The following B4GALT6 variants were observed in gnomAD, a reference collection of about 807,000 sequenced individuals.
The protein encoded by B4GALT6 is beta-1,4-galactosyltransferase 6.
B4GALT6 carries 14 observed loss-of-function variants against 46.3 expected under a neutral mutation model. The observed-to-expected ratio is 0.30, with a 90% CI of 0.20 to 0.47. B4GALT6 has a LOEUF of 0.47. Among genes scored for constraint, B4GALT6 ranks in the 20% least tolerant of loss-of-function variants. The probability of loss-of-function intolerance (pLI) is 0.99; values close to 1 mark genes in which losing one functional copy is unlikely to be tolerated. For missense variants in B4GALT6, 386 were observed against 480.1 expected (o/e 0.80, Z 1.83); for synonymous variants, 168 against 162.0 (o/e 1.04, Z -0.28).
intron 5 of B4GALT6, among the ~76,000 whole-genome samples, chr18:31,636,682 C>T (rs1184252278): frequency 6.6e-6 from 1 of 152,164 alleles, no homozygotes; most frequent in Non-Finnish European, 1.5e-5. Flanking sequence ...TATGAGGTGA[C>T]AATACCAAAA....
chr18:31,715,700 G>A, the B4GALT6 span, among the ~76,000 whole-genome samples: 32 of 151,158 alleles, frequency 2.1e-4, no homozygotes, highest in East Asian at 5.7e-3. Flanking sequence ...ACAGGCATGT[G>A]ACACCACACC....
intron 5 of B4GALT6, among the ~76,000 whole-genome samples, chr18:31,635,032 G>A (rs2073840684): frequency 6.6e-6 from 1 of 152,102 alleles, no homozygotes; most frequent in South Asian, 2.1e-4. Context: ...CACAAGGTCA[G>A]GAGATCGAGA....
rs551647799 is a variant in B4GALT6 at position 31,663,296 on chromosome 18, C to T, written c.232+2960G>A. ...CCACTAACTTGTCTTGTCAGTCTGG[C>T]AGTGTCTGGGGGCCTCAATTCATGT... On this transcript the variant is annotated intron_variant, in intron 2 of 8. Transcript: ENST00000306851. 8.5e-5 allele frequency among the ~76,000 whole-genome samples: 13 copies of T among 152,324 alleles called. No individual in the cohort carries two copies. The South Asian group carries it at 2.3e-3, about 27-fold the overall frequency.
At chr18:31,715,342 C>T in the B4GALT6 span, among the ~76,000 whole-genome samples, 5 of 152,230 alleles carry the variant, frequency 3.3e-5, no homozygotes, top group South Asian at 1.0e-3. Flanking sequence ...CCTCCTGCCT[C>T]AGCTTTCCAA....
chr18:31,661,019 C>G (rs1427960596), intron 2 of B4GALT6, among the ~76,000 whole-genome samples: 2 of 152,176 alleles, frequency 1.3e-5, no homozygotes, highest in Non-Finnish European at 2.9e-5. Context: ...GTGGTCAACT[C>G]ATGTGCCTAA....
rs577554431 is a variant in B4GALT6, at chr18:31,684,345, A to T, written c.82T>A (p.Cys28Ser). 1.9e-6 allele frequency: 3 copies of T among 1,613,738 alleles called. No homozygotes were observed. The highest frequency in any genetic ancestry group is 2.7e-5 in the African/African-American group (2 of 74,888). Residue 28 changes from cysteine to serine, a missense_variant, in exon 1 of 9, where the codon TGT becomes AGT. By Grantham distance (112) the Cys-to-Ser change is moderately radical (BLOSUM62 -1). Coordinates refer to ENST00000306851, the MANE Select transcript of B4GALT6 (RefSeq NM_004775.5). ...FIFFFSLSSS[C>S]LYFIYVAPGI... ...GGGGCCACATAGATGAAGTACAGAC[A>T]GGACGAAGAGAGGGAGAAGAAGAAG...
At chr18:31,629,565 T>C (rs941794854) in intron 6 of B4GALT6, among the ~76,000 whole-genome samples, 28 of 146,760 alleles carry the variant, frequency 1.9e-4, no homozygotes, top group African/African-American at 6.3e-4. Context: ...AGAACCAGAT[T>C]GTTGCCGGGC....
intron 1 of B4GALT6, among the ~76,000 whole-genome samples, chr18:31,674,883 T>C (rs1391199671): frequency 6.6e-6 from 1 of 152,146 alleles, no homozygotes; most frequent in Non-Finnish European, 1.5e-5. Flanking sequence ...TATGTCAAAG[T>C]ACTATTTGAC....
chr18:31,678,754 G>C (rs750739465), intron 1 of B4GALT6, among the ~76,000 whole-genome samples: 1 of 152,226 alleles, frequency 6.6e-6, no homozygotes, highest in Non-Finnish European at 1.5e-5. Flanking sequence ...GGGCTGCTCT[G>C]CTCATAGCTC....
the B4GALT6 span, among the ~76,000 whole-genome samples, chr18:31,715,664 C>T: frequency 1.4e-5 from 2 of 143,246 alleles, no homozygotes; most frequent in African/African-American, 5.2e-5. Flanking sequence ...AATTCTCCTG[C>T]CTTATCCTCC....
chr18:31,647,442 T>A (rs1259169896), intron 3 of B4GALT6, among the ~76,000 whole-genome samples: 1 of 152,156 alleles, frequency 6.6e-6, no homozygotes, highest in East Asian at 1.9e-4. Flanking sequence ...TGAGGTATCC[T>A]AAGTTCACAC....
chr18:31,643,000 C>T (rs771466644), intron 4 of B4GALT6, among the ~76,000 whole-genome samples: 3 of 152,224 alleles, frequency 2.0e-5, no homozygotes, highest in Non-Finnish European at 4.4e-5. Flanking sequence ...TATTAAGAAT[C>T]AAGTTGATGA....
chr18:31,707,010 G>A, the B4GALT6 span, among the ~76,000 whole-genome samples: 1 of 152,156 alleles, frequency 6.6e-6, no homozygotes, highest in African/African-American at 2.4e-5. Flanking sequence ...AGGTGTAAAC[G>A]CCAGAAGGAA....
chr18:31,722,722 T>C, the B4GALT6 span, among the ~76,000 whole-genome samples: 2 of 152,160 alleles, frequency 1.3e-5, no homozygotes, highest in Non-Finnish European at 2.9e-5. Context: ...CCGGTAATGT[T>C]GGCAGTCAGT....
chr18:31,715,233 A>G, the B4GALT6 span, among the ~76,000 whole-genome samples: 3 of 151,768 alleles, frequency 2.0e-5, no homozygotes, highest in African/African-American at 7.3e-5. Context: ...TTATTCATTC[A>G]TTTGTTTTTA....
At chr18:31,655,173 G>A (rs186615916) in intron 3 of B4GALT6, among the ~76,000 whole-genome samples, 85 of 152,288 alleles carry the variant, frequency 5.6e-4, no homozygotes, top group Admixed American at 3.3e-3. Context: ...GTGCTCTGTC[G>A]GGCAGCTCGT....
At chr18:31,669,856 G>A (rs887279999) in intron 1 of B4GALT6, among the ~76,000 whole-genome samples, 2 of 152,038 alleles carry the variant, frequency 1.3e-5, no homozygotes, top group African/African-American at 4.8e-5. Context: ...TCTTATATTT[G>A]TGCTACACCA....
At chr18:31,700,359 T>C in the B4GALT6 span, among the ~76,000 whole-genome samples, 5 of 152,214 alleles carry the variant, frequency 3.3e-5, no homozygotes, top group East Asian at 5.8e-4. Flanking sequence ...CTAAAATATA[T>C]GTGAAACTTC....
rs563530938 is a variant in B4GALT6, at chr18:31,633,157, A to C, written c.589-2011T>G. Among the ~76,000 whole-genome samples the C allele has an allele frequency of 1.0e-3, 155 of 152,330 alleles. 1 individual carries two copies. The highest frequency in any genetic ancestry group is 1.9e-3 in the Non-Finnish European group (129 of 68,038). On this transcript the variant is annotated intron_variant, in intron 5 of 8. Coordinates refer to ENST00000306851, the MANE Select transcript of B4GALT6 (RefSeq NM_004775.5). ...AAAAAAAAATTTCCCAGTATTGCTG[A>C]GAATGTTCATAGGTTTCTGATTCAT...
Sources: allele counts gnomAD v4.1 joint callset (sites outside exome capture counted in the v4.1 genomes callset), GRCh38; gene constraint gnomAD v4.1.1; transcripts MANE v1.5; gene names NCBI Gene and HGNC (gene_info 2026-07-23, HGNC 2026-07-21).